Variants in SPMIP2 observed in about 807,000 individuals in gnomAD.
SPMIP2 encodes protein SPMIP2.
chr4:158,989,987 C>A, the SPMIP2 span, among the ~76,000 whole-genome samples: 4 of 152,216 alleles, frequency 2.6e-5, no homozygotes, highest in African/African-American at 9.6e-5. Context: ...ATCCATATGA[C>A]AAAGGGCTAA....
the SPMIP2 span, among the ~76,000 whole-genome samples, chr4:159,025,379 G>A: frequency 6.6e-6 from 1 of 152,160 alleles, no homozygotes; most frequent in Non-Finnish European, 1.5e-5. Context: ...TAGCCAGGCT[G>A]GTCTCGAGCT....
At chr4:159,024,545 G>A in the SPMIP2 span, among the ~76,000 whole-genome samples, 843 of 152,000 alleles carry the variant, frequency 5.5e-3, 4 homozygotes, top group Non-Finnish European at 7.6e-3. Flanking sequence ...AAAGGGAAAC[G>A]GACTCAAGGG....
the SPMIP2 span, among the ~76,000 whole-genome samples, chr4:158,970,001 T>C: frequency 6.6e-6 from 1 of 152,102 alleles, no homozygotes; most frequent in South Asian, 2.1e-4. Context: ...GAACAGGAAG[T>C]GGATTGAGAC....
At chr4:159,009,221 C>A in the SPMIP2 span, among the ~76,000 whole-genome samples, 8 of 152,302 alleles carry the variant, frequency 5.3e-5, no homozygotes, top group Admixed American at 5.2e-4. Context: ...AGTGTTCATT[C>A]ATTCATTATA....
the SPMIP2 span, among the ~76,000 whole-genome samples, chr4:159,024,837 T>G: frequency 3.3e-5 from 5 of 152,152 alleles, no homozygotes; most frequent in African/African-American, 1.2e-4. Context: ...CACAAATAAC[T>G]TCATCTTCTA....
At chr4:158,985,749 C>A in the SPMIP2 span, among the ~76,000 whole-genome samples, 1 of 152,108 alleles carries the variant, frequency 6.6e-6, no homozygotes, top group Non-Finnish European at 1.5e-5. Flanking sequence ...TCTCTCACCA[C>A]TCCTATTCAA....
the SPMIP2 span, chr4:158,906,094 A>T: frequency 6.6e-6 from 1 of 152,182 alleles, no homozygotes; most frequent in African/African-American, 2.4e-5. Context: ...TTATCATTTT[A>T]TGTCATTCAT....
chr4:159,058,781 C>T, the SPMIP2 span, among the ~76,000 whole-genome samples: 4,883 of 151,982 alleles, frequency 0.032, 107 homozygotes, highest in Non-Finnish European at 0.049. Context: ...AATAAGATAC[C>T]TTTTTTATTT....
chr4:159,013,407 C>G, the SPMIP2 span, among the ~76,000 whole-genome samples: 3 of 152,236 alleles, frequency 2.0e-5, no homozygotes, highest in Non-Finnish European at 2.9e-5. Flanking sequence ...GTGGCTTAAA[C>G]AACAGAAATT....
chr4:158,989,584 A>G, the SPMIP2 span, among the ~76,000 whole-genome samples: 1 of 152,198 alleles, frequency 6.6e-6, no homozygotes, highest in Admixed American at 6.5e-5. Flanking sequence ...CCATACACCT[A>G]CAACCATCTG....
chr4:159,036,973 A>T, the SPMIP2 span, among the ~76,000 whole-genome samples: 17 of 152,326 alleles, frequency 1.1e-4, no homozygotes, highest in African/African-American at 3.8e-4. Flanking sequence ...GAACATTCCT[A>T]GAAGAGAGAA....
the SPMIP2 span, among the ~76,000 whole-genome samples, chr4:158,948,400 G>C: frequency 1.2e-4 from 18 of 152,104 alleles, no homozygotes; most frequent in East Asian, 3.3e-3. Context: ...TAAAATTCTA[G>C]GTTAAAAGTC....
the SPMIP2 span, among the ~76,000 whole-genome samples, chr4:158,910,781 A>C: frequency 6.6e-6 from 1 of 152,186 alleles, no homozygotes; most frequent in African/African-American, 2.4e-5. Flanking sequence ...CAGGGTCTCC[A>C]TCCTGTTGGC....
At chr4:159,022,691 G>A in the SPMIP2 span, among the ~76,000 whole-genome samples, 17 of 152,190 alleles carry the variant, frequency 1.1e-4, no homozygotes, top group East Asian at 5.8e-4. Context: ...CCCTAGATAC[G>A]GATTGTGGTT....
chr4:159,039,256 C>T, the SPMIP2 span, among the ~76,000 whole-genome samples: 18 of 152,226 alleles, frequency 1.2e-4, no homozygotes, highest in African/African-American at 3.1e-4. Context: ...AGGTTTTAAA[C>T]GAGCAGACAC....
the SPMIP2 span, among the ~76,000 whole-genome samples, chr4:159,069,161 G>T: frequency 1.3e-5 from 2 of 152,130 alleles, no homozygotes; most frequent in Non-Finnish European, 2.9e-5. Context: ...AAATTAGCCA[G>T]GCGTGGTGGT....
At chr4:158,909,072 T>C in the SPMIP2 span, among the ~76,000 whole-genome samples, 1 of 152,236 alleles carries the variant, frequency 6.6e-6, no homozygotes, top group African/African-American at 2.4e-5. Flanking sequence ...TCTTTTAAAT[T>C]ACAGTATAAT....
the SPMIP2 span, chr4:159,007,561 G>A: frequency 9.2e-7 from 1 of 1,092,710 alleles, no homozygotes; most frequent in Non-Finnish European, 1.4e-6. Context: ...GTGCTGGAGA[G>A]GGTGAATGCC....
chr4:158,977,683 C>T, the SPMIP2 span, among the ~76,000 whole-genome samples: 2 of 141,582 alleles, frequency 1.4e-5, no homozygotes, highest in Non-Finnish European at 3.0e-5. Flanking sequence ...GGCACAATCT[C>T]GGCTCACTGC....
Sources: allele counts gnomAD v4.1 joint callset (sites outside exome capture counted in the v4.1 genomes callset), GRCh38; gene constraint gnomAD v4.1.1; transcripts MANE v1.5; gene names NCBI Gene and HGNC (gene_info 2026-07-23, HGNC 2026-07-21).